The following ATRX variants were observed in gnomAD, a reference collection of about 807,000 sequenced individuals.
ATRX encodes ATRX chromatin remodeler.
Under a neutral mutation model 172.6 loss-of-function variants are expected in ATRX, and 12 were observed. The ratio of observed to expected loss-of-function variants is 0.07; its 90% CI spans 0.04 to 0.11. The LOEUF (loss-of-function observed/expected upper bound fraction) is 0.11, where lower values mean the gene tolerates loss of function less well. ATRX is among the 10% of genes least tolerant of loss of function. The probability of loss-of-function intolerance (pLI) is 1.00; values close to 1 mark genes in which losing one functional copy is unlikely to be tolerated. For missense variants in ATRX, 1,368 were observed against 1,767.4 expected (o/e 0.77, Z 4.05); for synonymous variants, 674 against 594.7 (o/e 1.13, Z -1.94).
intron 11 of ATRX, 23 bp downstream of exon 11, chrX:77,664,622 A>T (rs1557125042): frequency 8.3e-7 from 1 of 1,208,508 alleles, no homozygotes; most frequent in Admixed American, 2.2e-5. Context: ...ATGACATTAT[A>T]AACTTCTCTC....
At chrX:77,521,028 T>C in intron 33 of ATRX, 112 bp from the exon 34 acceptor site, 2 of 810,592 alleles carry the variant, frequency 2.5e-6, no homozygotes, top group Non-Finnish European at 3.5e-6. Flanking sequence ...CCTTTTCCTT[T>C]ATTCTTTTCT....
Position 77,726,462 on chromosome X carries a change from G to C in ATRX, c.21-9219C>G, listed in dbSNP as rs184213840. On this transcript the variant is annotated intron_variant, in intron 1 of 34. Coordinates refer to ENST00000373344, the MANE Select transcript of ATRX (RefSeq NM_000489.6). ...CACAGGAAGGGGAACATCACACACC[G>C]GGGCCTGTCATGGGGTGGGGGGAGG... Among the ~76,000 whole-genome samples, 624 of 91,665 alleles carry C rather than the reference G, an allele frequency of 6.8e-3. 6 individuals are homozygous for C. The highest frequency in any genetic ancestry group is 0.024 in the African/African-American group (599 of 24,610). The allele number at this position is 91,665 out of a possible 115,157, so 79.6% of individuals were successfully genotyped here.
rs2148625004 is a variant in ATRX, at chrX:77,683,909, A to G, written c.1347T>C (p.Pro449=). Residue 449 remains proline, a synonymous_variant, in exon 9 of 35, where the codon CCT becomes CCC. Transcript: ENST00000373344. Reference sequence around the variant, plus strand: ...AAATATCCTTCTTTTCCAAAGCACAAGGTTTTTCTCCTTTTCGTGCTTTTG... The same window carrying G: ...AAATATCCTTCTTTTCCAAAGCACAGGGTTTTTCTCCTTTTCGTGCTTTTG... ...FETKARKGEK[P]CALEKKDISK... is the part of the protein sequence containing the mutation. 8.3e-7 allele frequency: 1 copy of G among 1,209,680 alleles called. No homozygotes were observed. The highest frequency in any genetic ancestry group is 1.8e-5 in the South Asian group (1 of 56,958).
chrX:77,644,106 A>T (rs1007265502), intron 15 of ATRX, among the ~76,000 whole-genome samples: 1 of 111,768 alleles, frequency 8.9e-6, no homozygotes. Context: ...TGTCTGGCTA[A>T]ATTTTTTGTA....
chrX:77,638,233 G>A (rs1354871369), intron 15 of ATRX, among the ~76,000 whole-genome samples: 1 of 112,156 alleles, frequency 8.9e-6, no homozygotes, highest in Non-Finnish European at 1.9e-5. Context: ...GGAGGCCAAG[G>A]TGGGTGGATC....
At chrX:77,693,688 CAG>C in intron 6 of ATRX, 134 bp downstream of exon 6, 4 of 513,457 alleles carry the variant, frequency 7.8e-6, no homozygotes, top group Non-Finnish European at 1.3e-5. Flanking sequence ...CAGAGAGAAA[CAG>C]AAGTTATATT....
chrX:77,579,900 A>G (rs989310560), intron 27 of ATRX, among the ~76,000 whole-genome samples: 1 of 112,329 alleles, frequency 8.9e-6, no homozygotes, highest in African/African-American at 3.2e-5. Context: ...TGAGGAAACA[A>G]TGAAATTCAA....
chrX:77,542,979 AAG>A (rs1338793226), intron 30 of ATRX, among the ~76,000 whole-genome samples: 4 of 112,158 alleles, frequency 3.6e-5, no homozygotes, highest in Non-Finnish European at 7.5e-5. Flanking sequence ...AATTAAACTA[AAG>A]AGCTTCTGCA....
intron 1 of ATRX, among the ~76,000 whole-genome samples, chrX:77,737,435 A>G (rs868924843): frequency 0.013 from 520 of 39,086 alleles, 2 homozygotes; most frequent in Middle Eastern, 0.025. Context: ...AAAAAAAAAA[A>G]GGGGGGGGGG....
intron 1 of ATRX, among the ~76,000 whole-genome samples, chrX:77,759,929 C>A (rs1557192012): frequency 2.7e-5 from 3 of 110,558 alleles, no homozygotes; most frequent in Non-Finnish European, 3.8e-5. Flanking sequence ...CATATGTGGT[C>A]AATATATCAG....
chrX:77,529,046 G>A (rs2063486779), intron 30 of ATRX, among the ~76,000 whole-genome samples: 1 of 111,942 alleles, frequency 8.9e-6, no homozygotes, highest in Admixed American at 9.5e-5. Context: ...AGACCAAGGT[G>A]AGGAAAGAAT....
intron 1 of ATRX, among the ~76,000 whole-genome samples, chrX:77,736,577 C>A: frequency 8.9e-6 from 1 of 112,339 alleles, no homozygotes. Context: ...CAAATGTTGG[C>A]AATGATGTAA....
At chrX:77,763,174 C>T (rs150891504) in intron 1 of ATRX, among the ~76,000 whole-genome samples, 3,193 of 108,441 alleles carry the variant, frequency 0.029, 64 homozygotes, top group East Asian at 0.087. Context: ...GATGGAGTCT[C>T]GCTCTTGTTG....
chrX:77,618,079 AT>A (rs1208629568), intron 21 of ATRX, among the ~76,000 whole-genome samples: 2 of 111,611 alleles, frequency 1.8e-5, no homozygotes, highest in African/African-American at 6.5e-5. Flanking sequence ...TTTTAAAAAA[AT>A]ATTTTTGATC....
At chrX:77,714,307 C>T (rs1324746931) in intron 2 of ATRX, among the ~76,000 whole-genome samples, 1 of 111,403 alleles carries the variant, frequency 9.0e-6, no homozygotes, top group Non-Finnish European at 1.9e-5. Context: ...TGACTTTGAC[C>T]TTGTGATAGC....
chrX:77,603,658 G>A (rs782548591), intron 22 of ATRX, among the ~76,000 whole-genome samples: 2 of 109,970 alleles, frequency 1.8e-5, no homozygotes, highest in Non-Finnish European at 3.8e-5. Flanking sequence ...TTACAGATGT[G>A]AGCTACCGTG....
chrX:77,730,524 CT>C (rs1177963308), intron 1 of ATRX, among the ~76,000 whole-genome samples: 1 of 111,885 alleles, frequency 8.9e-6, no homozygotes, highest in East Asian at 2.8e-4. Context: ...CATCCAAGGG[CT>C]GCAGAATACA....
intron 19 of ATRX, among the ~76,000 whole-genome samples, chrX:77,624,065 A>G (rs1375010748): frequency 8.9e-6 from 1 of 111,742 alleles, no homozygotes; most frequent in Non-Finnish European, 1.9e-5. Context: ...CAATCAGACG[A>G]AAGAAATAAA....
intron 22 of ATRX, among the ~76,000 whole-genome samples, chrX:77,604,361 A>C (rs1557089024): frequency 8.9e-6 from 1 of 112,630 alleles, no homozygotes; most frequent in Non-Finnish European, 1.9e-5. Flanking sequence ...TTTTCAAAAG[A>C]AGATATAACA....
Sources: allele counts gnomAD v4.1 joint callset (sites outside exome capture counted in the v4.1 genomes callset), GRCh38; gene constraint gnomAD v4.1.1; transcripts MANE v1.5; gene names NCBI Gene and HGNC (gene_info 2026-07-23, HGNC 2026-07-21).